Variants in GFRA2 observed in about 807,000 individuals in gnomAD.
GFRA2 encodes the protein GDNF family receptor alpha-2.
In GFRA2, 17 loss-of-function variants were observed where a neutral mutation model predicts 48.3. The observed-to-expected ratio is 0.35, with a 90% CI of 0.24 to 0.53. The LOEUF is 0.53. Among genes scored for constraint, GFRA2 ranks in the 20% least tolerant of loss-of-function variants. The probability of loss-of-function intolerance (pLI) is 0.93; values close to 1 mark genes in which losing one functional copy is unlikely to be tolerated. For missense variants in GFRA2, 660 were observed against 637.3 expected, an observed-to-expected ratio of 1.04 and a Z score of -0.38; for synonymous variants, 305 against 257.2, an observed-to-expected ratio of 1.19 and a Z score of -1.78.
At chr8:21,725,745 G>C (rs560119800) in intron 4 of GFRA2, among the ~76,000 whole-genome samples, 1 of 152,238 alleles carries the variant, frequency 6.6e-6, no homozygotes, top group Non-Finnish European at 1.5e-5. Flanking sequence ...CAGCTGGGAA[G>C]TGTGGGGCCT....
intron 3 of GFRA2, among the ~76,000 whole-genome samples, chr8:21,758,211 A>C (rs1003515250): frequency 1.3e-5 from 2 of 152,004 alleles, no homozygotes; most frequent in Admixed American, 6.6e-5. Context: ...CTCCCCACAC[A>C]CACACACACA....
intron 3 of GFRA2, among the ~76,000 whole-genome samples, chr8:21,767,520 C>T (rs907888287): frequency 2.2e-4 from 34 of 152,190 alleles, no homozygotes; most frequent in African/African-American, 6.5e-4. Flanking sequence ...TTTTCTGAGC[C>T]GGAGTGATTG....
chr8:21,703,081 T>C, intron 6 of GFRA2, 104 bp from the exon 7 acceptor site: 1 of 710,960 alleles, frequency 1.4e-6, no homozygotes. Context: ...TTCCCTGGAA[T>C]GGTCCAGAAG....
intron 4 of GFRA2, among the ~76,000 whole-genome samples, chr8:21,729,204 G>C (rs898719786): frequency 2.0e-5 from 3 of 152,258 alleles, no homozygotes; most frequent in Non-Finnish European, 2.9e-5. Context: ...GTTGGGTCAC[G>C]CTGTAATCCC....
chr8:21,750,761 G>A lies in GFRA2; in HGVS notation c.621C>T (p.Phe207=), dbSNP rs759832571. The A allele has an allele frequency of 1.2e-5, 19 of 1,613,936 alleles. No homozygotes were observed. Among genetic ancestry groups the A allele is most frequent in the Middle Eastern group, 1.6e-4 (1 of 6,084 alleles). ...TGTACTCGCTGGGCACCCGGTCGAAGAACTGGCGCAGGGCCTTGTGGCACT... is the reference window on the plus strand; with the variant it reads ...TGTACTCGCTGGGCACCCGGTCGAAAAACTGGCGCAGGGCCTTGTGGCACT... ...RRKCHKALRQ[F]FDRVPSEYTY... The change falls in exon 4 of 9, where the codon TTC becomes TTT. Residue 207 remains phenylalanine, a synonymous_variant. Transcript: ENST00000524240. The surrounding 1 kb of genome is among the most constrained non-coding windows in gnomAD (Gnocchi z 5.7).
intron 3 of GFRA2, among the ~76,000 whole-genome samples, chr8:21,765,577 C>T (rs1197612732): frequency 6.6e-6 from 1 of 152,054 alleles, no homozygotes; most frequent in Non-Finnish European, 1.5e-5. Flanking sequence ...CCTCCATGAC[C>T]TCATGGTTCC....
chr8:21,734,712 ACTCCTTAG>A (rs1291729395), intron 4 of GFRA2, among the ~76,000 whole-genome samples: 2 of 152,000 alleles, frequency 1.3e-5, no homozygotes, highest in Admixed American at 6.5e-5. Context: ...GGGTCCTGTC[ACTCCTTAG>A]CTGGATGACA....
intron 4 of GFRA2, among the ~76,000 whole-genome samples, chr8:21,718,828 G>T (rs1803459377): frequency 6.6e-6 from 1 of 152,302 alleles, no homozygotes; most frequent in Non-Finnish European, 1.5e-5. Context: ...AGAAGACTTA[G>T]GTTCAAATCC....
At chr8:21,734,061 G>T (rs1209959940) in intron 4 of GFRA2, among the ~76,000 whole-genome samples, 1 of 152,182 alleles carries the variant, frequency 6.6e-6, no homozygotes, top group African/African-American at 2.4e-5. Flanking sequence ...CTGAACTGGG[G>T]GCCTCCACCG....
chr8:21,721,842 G>A (rs1313405251), intron 4 of GFRA2, among the ~76,000 whole-genome samples: 1 of 152,134 alleles, frequency 6.6e-6, no homozygotes, highest in Non-Finnish European at 1.5e-5. Context: ...GCTGGGTTCT[G>A]CTCTAAAAAA....
At chr8:21,790,205 G>T, upstream of GFRA2, 1 of 516,104 alleles carries the variant, frequency 1.9e-6, no homozygotes, top group Non-Finnish European at 2.5e-6. Context: ...CGGGGTCGCG[G>T]TCGCGCGAGG....
chr8:21,720,352 T>A (rs920310783), intron 4 of GFRA2, among the ~76,000 whole-genome samples: 11 of 152,142 alleles, frequency 7.2e-5, no homozygotes, highest in Admixed American at 7.2e-4. Flanking sequence ...CCAACTCACC[T>A]TTCTGTGACT....
chr8:21,729,848 C>T (rs1300589249), intron 4 of GFRA2, among the ~76,000 whole-genome samples: 3 of 152,194 alleles, frequency 2.0e-5, no homozygotes, highest in Non-Finnish European at 2.9e-5. Flanking sequence ...GACCACATCC[C>T]GCCCTGACCT....
chr8:21,736,940 G>A (rs988588800), intron 4 of GFRA2, among the ~76,000 whole-genome samples: 4 of 149,062 alleles, frequency 2.7e-5, no homozygotes, highest in African/African-American at 9.9e-5. Context: ...GGAGAGGGGA[G>A]GGGAGGGGAG....
intron 2 of GFRA2, among the ~76,000 whole-genome samples, chr8:21,781,998 T>G (rs2117069694): frequency 6.6e-6 from 1 of 152,162 alleles, no homozygotes; most frequent in African/African-American, 2.4e-5. Flanking sequence ...AGAAGCCACA[T>G]GAAGGGCTGG....
chr8:21,745,741 T>C (rs954793784), intron 4 of GFRA2, among the ~76,000 whole-genome samples: 6 of 152,162 alleles, frequency 3.9e-5, no homozygotes, highest in African/African-American at 1.2e-4. Flanking sequence ...CTGAGCACTT[T>C]TGTGGATTCT....
chr8:21,753,459 T>G (rs938736286), intron 3 of GFRA2, among the ~76,000 whole-genome samples: 1 of 152,050 alleles, frequency 6.6e-6, no homozygotes, highest in African/African-American at 2.4e-5. Context: ...AATATAAAAA[T>G]TAGCTGGGCG....
intron 2 of GFRA2, among the ~76,000 whole-genome samples, chr8:21,775,987 CTCTG>C (rs1228523266): frequency 7.9e-6 from 1 of 126,580 alleles, no homozygotes; most frequent in Non-Finnish European, 1.6e-5. Flanking sequence ...ACCACTCATC[CTCTG>C]TGTGTGTGTG....
At position 21,712,158 on chromosome 8, in the gene GFRA2, G is replaced by T. The variant is rs556665623; in HGVS notation, c.795-6117C>A. On this transcript the variant is annotated intron_variant, in intron 4 of 8. Transcript: ENST00000524240. ...TCCCCCTTTTCTATTCCACAAAACC[G>T]CCATTGTCATCATGGCCCATTCTCA... 5.9e-5 allele frequency among the ~76,000 whole-genome samples: 9 copies of T among 152,062 alleles called. No individual in the cohort carries two copies. The South Asian group carries it at 1.9e-3, about 32-fold the overall frequency.
Sources: allele counts gnomAD v4.1 joint callset (sites outside exome capture counted in the v4.1 genomes callset), GRCh38; gene constraint gnomAD v4.1.1; non-coding constraint Gnocchi (gnomAD v3.1); transcripts MANE v1.5; gene names NCBI Gene and HGNC (gene_info 2026-07-23, HGNC 2026-07-21).